ADCY2: variants seen among roughly 807,000 people sequenced by gnomAD.
ADCY2 encodes adenylate cyclase type 2.
ADCY2 carries 31 observed loss-of-function variants against 125.2 expected under a neutral mutation model. The observed-to-expected ratio is 0.25, with a 90% CI of 0.19 to 0.33. ADCY2 has a LOEUF of 0.33. ADCY2 is among the 10% of genes least tolerant of loss of function. The pLI is 1.00. For synonymous variants in ADCY2, 512 were observed against 548.4 expected (o/e 0.93, Z 0.93); for missense variants, 904 against 1,418.2 (o/e 0.64, Z 5.82).
At chr5:7,538,226 T>C (rs1734884346) in intron 3 of ADCY2, among the ~76,000 whole-genome samples, 1 of 152,196 alleles carries the variant, frequency 6.6e-6, no homozygotes, top group South Asian at 2.1e-4. Flanking sequence ...GATAGCATGA[T>C]CCATAATAGA....
chr5:7,631,804 A>T (rs910429137), intron 4 of ADCY2, among the ~76,000 whole-genome samples: 1 of 152,136 alleles, frequency 6.6e-6, no homozygotes, highest in Non-Finnish European at 1.5e-5. Flanking sequence ...TGGAGGCAAG[A>T]AGATTGAACA....
intron 3 of ADCY2, among the ~76,000 whole-genome samples, chr5:7,528,586 G>A (rs748277865): frequency 1.1e-4 from 17 of 152,226 alleles, no homozygotes; most frequent in African/African-American, 4.1e-4. Context: ...AAAAGTGACA[G>A]CCATCCATTA....
intron 3 of ADCY2, among the ~76,000 whole-genome samples, chr5:7,587,459 A>G (rs1249375862): frequency 6.6e-6 from 1 of 152,208 alleles, no homozygotes; most frequent in Non-Finnish European, 1.5e-5. Context: ...CATCTATTAT[A>G]AATATCATAC....
chr5:7,685,476 C>T lies in ADCY2; in HGVS notation c.721-5215C>T, dbSNP rs148814137. Among the ~76,000 whole-genome samples the T allele has an allele frequency of 2.7e-3, 404 of 152,300 alleles. 1 individual carries two copies. Among genetic ancestry groups the T allele is most frequent in the Admixed American group, 4.8e-3 (74 of 15,304 alleles). Reference sequence around the variant, plus strand: ...TCCTACTTCAGAGCCATTTCTACTGCGATGCCTTCTATTCTCCATCCCATG... The same window carrying T: ...TCCTACTTCAGAGCCATTTCTACTGTGATGCCTTCTATTCTCCATCCCATG... On this transcript the variant is annotated intron_variant, in intron 4 of 24. Transcript: ENST00000338316.
chr5:7,669,205 A>G (rs1739852713), intron 4 of ADCY2, among the ~76,000 whole-genome samples: 1 of 152,188 alleles, frequency 6.6e-6, no homozygotes, highest in South Asian at 2.1e-4. Flanking sequence ...CAATACAGTA[A>G]ATAGCCAAGT....
intron 4 of ADCY2, among the ~76,000 whole-genome samples, chr5:7,669,234 C>T (rs1739853304): frequency 1.3e-5 from 2 of 152,224 alleles, no homozygotes; most frequent in South Asian, 2.1e-4. Flanking sequence ...AGGAATATCT[C>T]TTCCCCTCTA....
At chr5:7,583,258 A>C (rs1736494573) in intron 3 of ADCY2, among the ~76,000 whole-genome samples, 2 of 152,040 alleles carry the variant, frequency 1.3e-5, no homozygotes, top group South Asian at 4.1e-4. Context: ...TTAGGATGAA[A>C]ATTTTCTCAA....
chr5:7,409,753 A>G (rs1490088843), intron 1 of ADCY2, among the ~76,000 whole-genome samples: 1 of 152,186 alleles, frequency 6.6e-6, no homozygotes, highest in Non-Finnish European at 1.5e-5. Flanking sequence ...TTGGCCTATC[A>G]ATAGCAAGAT....
chr5:7,762,475 T>G (rs1053795214), intron 16 of ADCY2, among the ~76,000 whole-genome samples: 1 of 152,176 alleles, frequency 6.6e-6, no homozygotes, highest in Admixed American at 6.5e-5. Context: ...GATGCAGCAC[T>G]CAGACTGCCC....
intron 2 of ADCY2, among the ~76,000 whole-genome samples, chr5:7,520,313 A>G (rs1026412970): frequency 3.3e-5 from 5 of 151,918 alleles, no homozygotes; most frequent in Non-Finnish European, 7.4e-5. Flanking sequence ...CCTTGATGAC[A>G]CCTGCCCCTC....
At chr5:7,551,567 A>G (rs953457111) in intron 3 of ADCY2, among the ~76,000 whole-genome samples, 3 of 152,156 alleles carry the variant, frequency 2.0e-5, no homozygotes, top group Non-Finnish European at 2.9e-5. Flanking sequence ...AATTTTATCT[A>G]TGTGTTCTTT....
intron 2 of ADCY2, among the ~76,000 whole-genome samples, chr5:7,479,454 A>T (rs1428663268): frequency 6.6e-6 from 1 of 151,928 alleles, no homozygotes; most frequent in East Asian, 1.9e-4. Context: ...TTAATTTTTA[A>T]TTTTTGTGGG....
intron 3 of ADCY2, among the ~76,000 whole-genome samples, chr5:7,597,143 T>G (rs1737032448): frequency 6.6e-6 from 1 of 152,226 alleles, no homozygotes; most frequent in South Asian, 2.1e-4. Context: ...GAAACAATAT[T>G]AGGCTTTTAC....
chr5:7,812,682 C>T lies in ADCY2; in HGVS notation c.2884-4184C>T, dbSNP rs372486569. 5.9e-5 allele frequency among the ~76,000 whole-genome samples: 9 copies of T among 152,134 alleles called. 1 individual carries two copies. The highest frequency in any genetic ancestry group is 2.1e-4 in the South Asian group (1 of 4,832). ...CAGCACTTTGAGAGGCCAAGGCGGG[C>T]GGATCACCTGAGCTCAGGAGTGCGA... On this transcript the variant is annotated intron_variant, in intron 22 of 24. Coordinates refer to ENST00000338316, the MANE Select transcript of ADCY2 (RefSeq NM_020546.3).
At chr5:7,662,365 A>T (rs1284016530) in intron 4 of ADCY2, among the ~76,000 whole-genome samples, 1 of 152,218 alleles carries the variant, frequency 6.6e-6, no homozygotes, top group East Asian at 1.9e-4. Context: ...CAGAAATGCA[A>T]CTGAGACTCC....
chr5:7,655,818 G>A (rs1370671547), intron 4 of ADCY2, among the ~76,000 whole-genome samples: 4 of 152,108 alleles, frequency 2.6e-5, no homozygotes, highest in African/African-American at 7.2e-5. Flanking sequence ...TAGGAATTGT[G>A]GGGAAGCAAA....
intron 4 of ADCY2, among the ~76,000 whole-genome samples, chr5:7,666,511 G>A (rs1271077926): frequency 3.3e-5 from 5 of 152,084 alleles, no homozygotes; most frequent in African/African-American, 7.2e-5. Flanking sequence ...CTCATGATCC[G>A]ACCGCCTCGG....
At chr5:7,654,574 G>T (rs1040628556) in intron 4 of ADCY2, among the ~76,000 whole-genome samples, 33 of 152,096 alleles carry the variant, frequency 2.2e-4, no homozygotes, top group African/African-American at 7.7e-4. Context: ...GGGGATGCTG[G>T]CAGGTGGTTG....
intron 14 of ADCY2, among the ~76,000 whole-genome samples, chr5:7,740,635 AAT>A (rs1473225836): frequency 6.6e-6 from 1 of 152,130 alleles, no homozygotes; most frequent in Non-Finnish European, 1.5e-5. Flanking sequence ...GATAAAATCA[AAT>A]GAAATTAGAA....
Sources: allele counts gnomAD v4.1 joint callset (sites outside exome capture counted in the v4.1 genomes callset), GRCh38; gene constraint gnomAD v4.1.1; transcripts MANE v1.5; gene names NCBI Gene and HGNC (gene_info 2026-07-23, HGNC 2026-07-21).